PCDHGA4: variants seen among roughly 807,000 people sequenced by gnomAD.
PCDHGA4 encodes the protein protocadherin gamma-A4.
In PCDHGA4, 38 loss-of-function variants were observed where a neutral mutation model predicts 54.6. The ratio of observed to expected loss-of-function variants is 0.70; its 90% CI spans 0.54 to 0.91. The LOEUF (loss-of-function observed/expected upper bound fraction) is 0.91. Ranked by LOEUF, PCDHGA4 falls within the 40% of genes least tolerant of loss-of-function variation. The probability of loss-of-function intolerance (pLI) is 0.00; values close to 1 mark genes in which losing one functional copy is unlikely to be tolerated. For synonymous variants in PCDHGA4, 511 were observed against 512.9 expected (o/e 1.00, Z 0.05); for missense variants, 1,298 against 1,220.9 (o/e 1.06, Z -0.94).
At chr5:141,470,202 A>G (rs928782890) in intron 1 of PCDHGA4, among the ~76,000 whole-genome samples, 9 of 152,216 alleles carry the variant, frequency 5.9e-5, no homozygotes, top group Non-Finnish European at 1.2e-4. Flanking sequence ...GATAAATATG[A>G]AGGCTAAACC....
At chr5:141,425,447 A>G (rs549575207) in intron 1 of PCDHGA4, among the ~76,000 whole-genome samples, 5 of 152,318 alleles carry the variant, frequency 3.3e-5, no homozygotes, top group African/African-American at 1.2e-4. Flanking sequence ...AAAATAAAAC[A>G]CCATCACATT....
chr5:141,476,978 C>A lies in PCDHGA4; in HGVS notation c.2515-17829C>A, dbSNP rs1468851988. The A allele has an allele frequency of 2.5e-6, 4 of 1,614,138 alleles. No individual in the cohort carries two copies. Among genetic ancestry groups the A allele is most frequent in the Admixed American group, 3.3e-5 (2 of 60,012 alleles). On this transcript the variant is annotated intron_variant, in intron 1 of 3. Transcript: ENST00000571252. This position sits in a 1 kb window ranked among gnomAD's most constrained non-coding sequence, Gnocchi z 7.6. ...TATTTACTCCTTCGGCAGCCACAAC[C>A]GCGCCGGCGTGCGGCAACTATTCGC...
chr5:141,416,759 C>T (rs1045872662), intron 1 of PCDHGA4: 2 of 152,130 alleles, frequency 1.3e-5, no homozygotes, highest in African/African-American at 4.8e-5. Flanking sequence ...TTAGGTAGAT[C>T]TCTTAATTTT....
intron 1 of PCDHGA4, chr5:141,409,714 CG>C: frequency 6.2e-7 from 1 of 1,613,226 alleles, no homozygotes; most frequent in Non-Finnish European, 8.5e-7. Flanking sequence ...TGTCGTCATA[CG>C]TGTCAGTGAG....
chr5:141,501,025 C>T (rs999221755), intron 2 of PCDHGA4, among the ~76,000 whole-genome samples: 94 of 152,100 alleles, frequency 6.2e-4, no homozygotes, highest in East Asian at 1.9e-3. Flanking sequence ...CGCGCCACCA[C>T]GCCCAGCTAA....
intron 1 of PCDHGA4, chr5:141,417,066 T>C (rs1373522268): frequency 6.6e-6 from 1 of 152,110 alleles, no homozygotes; most frequent in Non-Finnish European, 1.5e-5. Context: ...ACATTGTAGC[T>C]ATTGTGAGAA....
intron 1 of PCDHGA4, chr5:141,375,160 T>C (rs373409677): frequency 1.2e-6 from 2 of 1,613,972 alleles, no homozygotes; most frequent in Non-Finnish European, 1.7e-6. Flanking sequence ...TTGCTGAAAG[T>C]GCACCTCCAG....
intron 1 of PCDHGA4, among the ~76,000 whole-genome samples, chr5:141,484,796 C>A (rs987893041): frequency 1.3e-5 from 2 of 151,304 alleles, no homozygotes; most frequent in African/African-American, 4.9e-5. Flanking sequence ...GATAACAACC[C>A]GTGGAAAAAC....
In PCDHGA4 at chr5:141,482,160, T is replaced by C. The variant is rs577572891; in HGVS notation, c.2515-12647T>C. Reference sequence around the variant, plus strand: ...GCATAAAAAGGTCAAGTCAAAGATATGTAAGATTAAGGCTTTACGATGCTC... The same window carrying C: ...GCATAAAAAGGTCAAGTCAAAGATACGTAAGATTAAGGCTTTACGATGCTC... On this transcript the variant is annotated intron_variant, in intron 1 of 3. Coordinates refer to ENST00000571252, the MANE Select transcript of PCDHGA4 (RefSeq NM_018917.4). 1.6e-4 allele frequency among the ~76,000 whole-genome samples: 25 copies of C among 151,966 alleles called. No homozygotes were observed. In the South Asian group the frequency reaches 4.0e-3, roughly 24 times the overall value.
chr5:141,505,267 A>G (rs2099845018), intron 2 of PCDHGA4, 126 bp from the exon 3 acceptor site: 1 of 1,514,640 alleles, frequency 6.6e-7, no homozygotes, highest in Admixed American at 2.0e-5. Flanking sequence ...TACCTTGCTG[A>G]GAGAAACAGG....
Position 141,477,609 on chromosome 5 carries a change from A to T in PCDHGA4, c.2515-17198A>T, listed in dbSNP as rs775454070. The T allele has an allele frequency of 6.2e-7, 1 of 1,614,192 alleles. No homozygotes were observed. The highest frequency in any genetic ancestry group is 1.1e-5 in the South Asian group (1 of 91,082). ...GCTCGGCTTTCTTTCTTTCTCTTGG[A>T]GCAAGGAGCTGAAACCGGGCTAGTG... On this transcript the variant is annotated intron_variant, in intron 1 of 3. Transcript: ENST00000571252. The surrounding 1 kb of genome is among the most constrained non-coding windows in gnomAD (Gnocchi z 4.9).
At chr5:141,435,877 G>A (rs1554127514) in intron 1 of PCDHGA4, among the ~76,000 whole-genome samples, 1 of 152,092 alleles carries the variant, frequency 6.6e-6, no homozygotes, top group Non-Finnish European at 1.5e-5. Flanking sequence ...AAAAGAGATT[G>A]GAAACCCCTT....
chr5:141,410,333 A>G lies in PCDHGA4; in HGVS notation c.2514+52712A>G, dbSNP rs774436706. 4.7e-5 allele frequency: 76 copies of G among 1,613,666 alleles called. No individual in the cohort carries two copies. Among genetic ancestry groups the G allele is most frequent in the Non-Finnish European group, 4.0e-5 (47 of 1,179,884 alleles). ...CTTCCTCCTCGCCGTGATTCTGGCC[A>G]TTGCCTTGCGCCTGCGACGCTCTCT... On this transcript the variant is annotated intron_variant, in intron 1 of 3. Transcript: ENST00000571252.
chr5:141,451,523 A>G (rs1035983001), intron 1 of PCDHGA4, among the ~76,000 whole-genome samples: 1 of 152,200 alleles, frequency 6.6e-6, no homozygotes, highest in African/African-American at 2.4e-5. Flanking sequence ...AGAGCAAGTA[A>G]AGGAGAGTGC....
chr5:141,370,878 G>A (rs906619365), intron 1 of PCDHGA4: 1 of 1,613,918 alleles, frequency 6.2e-7, no homozygotes, highest in African/African-American at 1.3e-5. Flanking sequence ...AGATCCTGAT[G>A]TAGGTGTCAA....
At chr5:141,406,072 C>CT (rs530474569) in intron 1 of PCDHGA4, among the ~76,000 whole-genome samples, 26,413 of 141,282 alleles carry the variant, frequency 0.19, 2,878 homozygotes, top group African/African-American at 0.31. Context: ...ATTCTTACTC[C>CT]TTTTTTTTTT....
chr5:141,428,201 CT>C (rs1332694675), intron 1 of PCDHGA4: 1 of 1,349,696 alleles, frequency 7.4e-7, no homozygotes, highest in South Asian at 1.2e-5. Context: ...CTCTGCGCCG[CT>C]ACGCTTCACC....
rs1345498022 is a variant in PCDHGA4 at position 141,493,312 on chromosome 5, A to G, written c.2515-1495A>G. On this transcript the variant is annotated intron_variant, in intron 1 of 3. Coordinates refer to ENST00000571252, the MANE Select transcript of PCDHGA4 (RefSeq NM_018917.4). This position sits in a 1 kb window ranked among gnomAD's most constrained non-coding sequence, Gnocchi z 4.3. ...CTCAAGTTCACAGAGCAAGTAAGAG[A>G]GATTCTAACCCCTGTCTAACTCCAG... 6.6e-6 allele frequency among the ~76,000 whole-genome samples: 1 copy of G among 152,174 alleles called. No individual in the cohort carries two copies. Among genetic ancestry groups the G allele is most frequent in the Non-Finnish European group, 1.5e-5 (1 of 68,028 alleles).
chr5:141,433,592 T>C (rs1043652093), intron 1 of PCDHGA4, among the ~76,000 whole-genome samples: 5 of 152,020 alleles, frequency 3.3e-5, no homozygotes, highest in Non-Finnish European at 7.4e-5. Context: ...TCCCAGTACT[T>C]TGGGAGGCCG....
Sources: allele counts gnomAD v4.1 joint callset (sites outside exome capture counted in the v4.1 genomes callset), GRCh38; gene constraint gnomAD v4.1.1; non-coding constraint Gnocchi (gnomAD v3.1); transcripts MANE v1.5; gene names NCBI Gene and HGNC (gene_info 2026-07-23, HGNC 2026-07-21).